JAK2: variants seen among roughly 807,000 people sequenced by gnomAD.
JAK2 encodes Janus kinase 2.
A neutral mutation model predicts 139.3 loss-of-function variants in JAK2; 86 were observed. That is an observed-to-expected ratio of 0.62 (90% confidence interval 0.52 to 0.74). JAK2 has a LOEUF of 0.74. Ranked by LOEUF, JAK2 falls within the 30% of genes least tolerant of loss-of-function variation. The pLI is 0.00. For synonymous variants in JAK2, 490 were observed against 437.7 expected, an observed-to-expected ratio of 1.12 and a Z score of -1.49; for missense variants, 1,421 against 1,360.3, an observed-to-expected ratio of 1.04 and a Z score of -0.70.
At chr9:5,041,122 G>A (rs954903062) in intron 4 of JAK2, 2 of 882,000 alleles carry the variant, frequency 2.3e-6, no homozygotes, top group African/African-American at 1.7e-5. Context: ...CGCCCAAGAC[G>A]GTGCTCCTGA....
chr9:5,042,771 C>A lies in JAK2; in HGVS notation c.351-1632C>A, dbSNP rs149386380. Among the ~76,000 whole-genome samples the A allele has an allele frequency of 5.8e-3, 880 of 152,294 alleles. 9 individuals carry two copies. The highest frequency in any genetic ancestry group is 0.02 in the African/African-American group (842 of 41,566). On this transcript the variant is annotated intron_variant, in intron 4 of 24. Coordinates refer to ENST00000381652, the MANE Select transcript of JAK2 (RefSeq NM_004972.4). ...TTGCTGCCAGGGGTGAGGCTGTGCC[C>A]CAGGCCTCCCCAAAACTAAAGGGGA...
intron 4 of JAK2, among the ~76,000 whole-genome samples, chr9:5,031,538 A>G (rs1823147254): frequency 1.4e-5 from 2 of 147,806 alleles, no homozygotes. Flanking sequence ...TTAGCTTCTT[A>G]CTTTATAATG....
intron 19 of JAK2, chr9:5,084,876 A>G (rs147201152): frequency 1.1e-4 from 43 of 402,400 alleles, no homozygotes; most frequent in African/African-American, 8.1e-4. Context: ...TTGCCCATCA[A>G]TAAGTTTGAT....
intron 13 of JAK2, among the ~76,000 whole-genome samples, chr9:5,073,265 T>A (rs1176834633): frequency 1.3e-5 from 2 of 152,226 alleles, no homozygotes; most frequent in Non-Finnish European, 2.9e-5. Context: ...GTTAAAACTA[T>A]GCTAGTATCC....
chr9:5,084,352 T>A (rs1409534405), intron 19 of JAK2, among the ~76,000 whole-genome samples: 2 of 152,170 alleles, frequency 1.3e-5, no homozygotes, highest in Admixed American at 1.3e-4. Flanking sequence ...TGTACTGCCT[T>A]ACTGAAACAA....
intron 2 of JAK2, among the ~76,000 whole-genome samples, chr9:5,001,625 A>ATT (rs201169908): frequency 2.1e-5 from 3 of 143,346 alleles, no homozygotes; most frequent in Non-Finnish European, 4.6e-5. Context: ...TTTGCCTGTA[A>ATT]TTTTTTTTTT....
intron 8 of JAK2, among the ~76,000 whole-genome samples, chr9:5,060,675 C>A: frequency 6.6e-6 from 1 of 152,290 alleles, no homozygotes. Context: ...AGTCGTGAAC[C>A]CCTCAAAGTC....
intron 2 of JAK2, among the ~76,000 whole-genome samples, chr9:5,011,805 C>T (rs1342930978): frequency 6.6e-6 from 1 of 152,174 alleles, no homozygotes; most frequent in African/African-American, 2.4e-5. Flanking sequence ...CCAACTTGAT[C>T]CTGCGGAGGC....
chr9:5,070,102 AT>A (rs1425986830), intron 12 of JAK2, 50 bp downstream of exon 12: 3 of 1,343,352 alleles, frequency 2.2e-6, no homozygotes, highest in Non-Finnish European at 3.1e-6. Context: ...TTAAAACAAC[AT>A]CTGTTTTCTT....
At chr9:5,081,701 T>A in intron 18 of JAK2, 24 bp from the exon 19 acceptor site, 1 of 1,526,514 alleles carries the variant, frequency 6.6e-7, no homozygotes, top group Non-Finnish European at 9.1e-7. Flanking sequence ...TAATTTAAGG[T>A]GATAATATTC....
chr9:5,094,037 G>C (rs1242586168), intron 22 of JAK2: 1 of 152,154 alleles, frequency 6.6e-6, no homozygotes, highest in Non-Finnish European at 1.5e-5. Flanking sequence ...AGATGGCGGA[G>C]CCTGGCAATA....
chr9:5,126,866 T>C lies in JAK2; in HGVS notation c.*75T>C. 1.3e-6 allele frequency: 1 copy of C among 753,768 alleles called. No homozygotes were observed. The highest frequency in any genetic ancestry group is 1.8e-5 in the South Asian group (1 of 56,026). 46.7% of individuals were successfully genotyped at this position (753,768 alleles called of 1,614,324 possible). ...TTATATTTCACATTGCTGTGGACTA[T>C]TATTACATATATCATTATTATATAA... On this transcript the variant is annotated 3_prime_UTR_variant, in exon 25 of 25. Coordinates refer to ENST00000381652, the MANE Select transcript of JAK2 (RefSeq NM_004972.4).
chr9:5,098,055 T>C (rs1586788745), intron 22 of JAK2: 1 of 152,236 alleles, frequency 6.6e-6, no homozygotes, highest in Admixed American at 6.5e-5. Context: ...GCAGCAGTTA[T>C]GCTAACAATT....
chr9:5,014,844 T>C (rs1375700407), intron 2 of JAK2, among the ~76,000 whole-genome samples: 1 of 152,160 alleles, frequency 6.6e-6, no homozygotes, highest in Non-Finnish European at 1.5e-5. Flanking sequence ...TATGTGTTTC[T>C]CCCTAGCTAT....
intron 2 of JAK2, among the ~76,000 whole-genome samples, chr9:5,005,161 G>C (rs936413616): frequency 8.0e-6 from 1 of 125,176 alleles, no homozygotes; most frequent in Non-Finnish European, 1.6e-5. Flanking sequence ...TGTTGCCCAG[G>C]CTGGTCTTGA....
Position 5,050,827 on chromosome 9 carries a change from A to G in JAK2, c.610A>G (p.Ile204Val), listed in dbSNP as rs375180351. The G allele has an allele frequency of 1.9e-6, 3 of 1,612,758 alleles. No individual in the cohort carries two copies. Among genetic ancestry groups the G allele is most frequent in the Middle Eastern group, 1.7e-4 (1 of 6,052 alleles). The change falls in exon 6 of 25, where the codon ATC (isoleucine) becomes GTC (valine). Residue 204 changes from isoleucine (I) to valine (V), a missense_variant. Physicochemically the swap from Ile to Val is conservative, Grantham distance 29. Transcript: ENST00000381652. ...AACCCCACTGGCCATCTATAACTCT[A>G]TCAGGTAATTTTCTTTTGCAAATCC... ...DQTPLAIYNSISYKTFLPKCI... is the reference protein window; with the variant it reads ...DQTPLAIYNSVSYKTFLPKCI...
At chr9:5,023,371 G>C (rs564684073) in intron 3 of JAK2, among the ~76,000 whole-genome samples, 3 of 152,138 alleles carry the variant, frequency 2.0e-5, no homozygotes, top group Non-Finnish European at 4.4e-5. Flanking sequence ...GGCCCCAGGG[G>C]AGTACGCATT....
At chr9:5,096,574 A>C (rs1235535404) in intron 22 of JAK2, 4 of 152,200 alleles carry the variant, frequency 2.6e-5, no homozygotes, top group African/African-American at 9.7e-5. Context: ...AACATAAAAA[A>C]TTACCTCAGG....
At chr9:5,055,067 T>A (rs1817670540) in intron 7 of JAK2, among the ~76,000 whole-genome samples, 183 bp downstream of exon 7, 1 of 152,032 alleles carries the variant, frequency 6.6e-6, no homozygotes, top group African/African-American at 2.4e-5. Flanking sequence ...TAAATGGTTT[T>A]TTCATTTAAT....
Sources: gnomAD v4.1 joint callset for allele counts (sites outside exome capture counted in the v4.1 genomes callset) on GRCh38, gnomAD v4.1.1 for gene constraint, MANE v1.5 for transcripts, NCBI Gene and HGNC (gene_info 2026-07-23, HGNC 2026-07-21) for gene names.